The following PRKDC variants were observed in gnomAD, a reference collection of about 807,000 sequenced individuals.
PRKDC encodes protein kinase, DNA-activated, catalytic subunit, also known as DNA-dependent protein kinase catalytic subunit.
Under a neutral mutation model 486.9 loss-of-function variants are expected in PRKDC, and 82 were observed. That is an observed-to-expected ratio of 0.17 (90% CI 0.14 to 0.20). PRKDC has a LOEUF of 0.20. Ranked by LOEUF, PRKDC falls within the 10% of genes least tolerant of loss-of-function variation. The pLI is 1.00. For synonymous variants in PRKDC, 1,895 were observed against 1,837.0 expected (o/e 1.03, Z -0.81); for missense variants, 4,504 against 5,038.2 (o/e 0.89, Z 3.21).
Position 47,927,093 on chromosome 8 carries a change from G to A in PRKDC, c.2419+101C>T, listed in dbSNP as rs1288699398. 4 of 1,125,056 alleles carry A rather than the reference G, an allele frequency of 3.6e-6. No homozygotes were observed. In the African/African-American group the frequency reaches 6.4e-5, roughly 18 times the overall value. 69.7% of individuals were successfully genotyped at this position (1,125,056 alleles called of 1,614,324 possible). ...CAATCAAACATATTTTGAACACACT[G>A]GGCTTAAATTTCAGAAGTTACAAAA... On this transcript the variant is annotated intron_variant, in intron 21 of 85. Transcript: ENST00000314191.
In PRKDC at chr8:47,785,324, T is replaced by G. The variant is rs1329029674; in HGVS notation, c.10903-7A>C. The G allele has an allele frequency of 2.6e-6, 4 of 1,552,834 alleles. No homozygotes were observed. Among genetic ancestry groups the G allele is most frequent in the Non-Finnish European group, 3.5e-6 (4 of 1,143,560 alleles). ...CAAATTCTTTTCCAAAAGTCTGAAA[T>G]TAGTAAGAATTTACTATAAAGACTG... On this transcript the variant is annotated splice_region_variant and splice_polypyrimidine_tract_variant and intron_variant, in intron 76 of 85. Coordinates refer to ENST00000314191, the MANE Select transcript of PRKDC (RefSeq NM_006904.7).
rs145893492 is a variant in PRKDC, at chr8:47,856,444, G to A, written c.6609+712C>T. On this transcript the variant is annotated intron_variant, in intron 49 of 85. Coordinates refer to ENST00000314191, the MANE Select transcript of PRKDC (RefSeq NM_006904.7). ...AAGGTTTCACCATGTTGGCCAGGCT[G>A]GTCTCAAACTCCTGACCTTAAGTGA... Among the ~76,000 whole-genome samples, 730 of 152,248 alleles carry A rather than the reference G, an allele frequency of 4.8e-3. 6 individuals carry two copies. The highest frequency in any genetic ancestry group is 0.017 in the African/African-American group (691 of 41,550).
chr8:47,912,002 C>T (rs2089912441), intron 25 of PRKDC, among the ~76,000 whole-genome samples: 1 of 151,988 alleles, frequency 6.6e-6, no homozygotes, highest in South Asian at 2.1e-4. Flanking sequence ...AACTCCTGAC[C>T]TCAGGTGATC....
intron 80 of PRKDC, 182 bp from the exon 81 acceptor site, chr8:47,779,275 A>G (rs552518113): frequency 5.8e-6 from 3 of 514,958 alleles, no homozygotes; most frequent in South Asian, 6.3e-5. Context: ...ATTTCAATAT[A>G]CCATTATTCA....
chr8:47,855,032 C>G (rs1166019046), intron 50 of PRKDC, among the ~76,000 whole-genome samples, 190 bp downstream of exon 50: 1 of 152,210 alleles, frequency 6.6e-6, no homozygotes, highest in Non-Finnish European at 1.5e-5. Flanking sequence ...AGGCGGAGGG[C>G]AGGGCCACTG....
At position 47,943,962 on chromosome 8, in the gene PRKDC, T is replaced by C. The variant is rs377345439; in HGVS notation, c.777+12A>G. 4.5e-5 allele frequency: 70 copies of C among 1,557,290 alleles called. No individual in the cohort carries two copies. Among genetic ancestry groups the C allele is most frequent in the Middle Eastern group, 1.7e-4 (1 of 5,964 alleles). ...GGCATTAGAATAATATTAATAGTAA[T>C]ATTAATCCTACCTGAGGACGAATTG... is the stretch of plus-strand genomic sequence containing the variant. On this transcript the variant is annotated intron_variant, in intron 8 of 85. Coordinates refer to ENST00000314191, the MANE Select transcript of PRKDC (RefSeq NM_006904.7).
intron 48 of PRKDC, among the ~76,000 whole-genome samples, chr8:47,857,506 C>CA (rs373729798): frequency 6.6e-6 from 1 of 152,286 alleles, no homozygotes; most frequent in African/African-American, 2.4e-5. Context: ...AATCAGGACA[C>CA]AGAGACAGAT....
chr8:47,935,329 G>A lies in PRKDC; in HGVS notation c.1448-271C>T, dbSNP rs1286653703. ...AGCCTAGCCAATATGGTGAAACCCT[G>A]TCTCTACTAAAACTACAAAAATTAG... is the stretch of plus-strand genomic sequence containing the variant. On this transcript the variant is annotated intron_variant, in intron 13 of 85. Coordinates refer to ENST00000314191, the MANE Select transcript of PRKDC (RefSeq NM_006904.7). 2.0e-5 allele frequency among the ~76,000 whole-genome samples: 3 copies of A among 151,996 alleles called. No individual in the cohort carries two copies. In the South Asian group the frequency reaches 6.2e-4, roughly 31 times the overall value.
Position 47,881,106 on chromosome 8 carries a change from G to GC in PRKDC, c.5067+309_5067+310insG, listed in dbSNP as rs1454476900. Among the ~76,000 whole-genome samples the GC allele has an allele frequency of 3.4e-3, 510 of 150,192 alleles. 7 individuals carry two copies. The highest frequency in any genetic ancestry group is 0.012 in the African/African-American group (482 of 40,362). On this transcript the variant is annotated intron_variant, in intron 38 of 85. Transcript: ENST00000314191. ...AGCAAGAAAGCAAGCAAGCAAGCAA[G>GC]AAAGAAAGAAATGTTCTCATGTCTT...
chr8:47,785,102 G>T lies in PRKDC; in HGVS notation c.11107+11C>A. On this transcript the variant is annotated intron_variant, in intron 77 of 85. Coordinates refer to ENST00000314191, the MANE Select transcript of PRKDC (RefSeq NM_006904.7). ...ACAGTACAGTTTTGTCACCCCTGGA[G>T]GTTAACTCACCGGGAATCTCCAGCT... The T allele has an allele frequency of 6.2e-7, 1 of 1,613,426 alleles. No individual in the cohort carries two copies. Among genetic ancestry groups the T allele is most frequent in the Non-Finnish European group, 8.5e-7 (1 of 1,179,426 alleles).
At chr8:47,914,255 A>C (rs2089953673) in intron 23 of PRKDC, among the ~76,000 whole-genome samples, 191 bp from the exon 24 acceptor site, 1 of 152,240 alleles carries the variant, frequency 6.6e-6, no homozygotes, top group African/African-American at 2.4e-5. Flanking sequence ...GATTTAATTT[A>C]AAGTAAAATT....
At chr8:47,873,655 G>A (rs1013361581) in intron 40 of PRKDC, among the ~76,000 whole-genome samples, 7 of 152,156 alleles carry the variant, frequency 4.6e-5, no homozygotes, top group Admixed American at 3.3e-4. Flanking sequence ...AATATACACA[G>A]TGGAGTACTA....
Position 47,880,317 on chromosome 8 carries a change from C to G in PRKDC, c.5068-659G>C, listed in dbSNP as rs1453738343. On this transcript the variant is annotated intron_variant, in intron 38 of 85. Transcript: ENST00000314191. ...GTGTAGAAAGAACATTTTGAATAAC[C>G]TAAGGAGGAGTTTACAACTACACAT... Among the ~76,000 whole-genome samples the G allele has an allele frequency of 3.3e-5, 5 of 152,116 alleles. No homozygotes were observed. In the South Asian group the frequency reaches 1.0e-3, roughly 32 times the overall value.
intron 6 of PRKDC, 27 bp downstream of exon 6, chr8:47,953,780 A>G: frequency 1.3e-6 from 2 of 1,575,880 alleles, no homozygotes; most frequent in South Asian, 1.2e-5. Context: ...CATCTATGGA[A>G]GCAGAATGTC....
intron 17 of PRKDC, 41 bp downstream of exon 17, chr8:47,930,631 A>G: frequency 2.0e-6 from 3 of 1,508,052 alleles, no homozygotes; most frequent in Non-Finnish European, 2.7e-6. Context: ...AATAACTAAC[A>G]ATCATTTTCA....
At chr8:47,843,452 G>A (rs1452444215) in intron 54 of PRKDC, among the ~76,000 whole-genome samples, 1 of 152,158 alleles carries the variant, frequency 6.6e-6, no homozygotes, top group Non-Finnish European at 1.5e-5. Flanking sequence ...ATTCCTGAAA[G>A]AGACAACTTG....
rs113772766 is a variant in PRKDC, at chr8:47,902,061, G to A, written c.3269+508C>T. ...TCCTCTGTCACTAGCGGTGACCTACGCTCCTTACTACAGCAAGCAGAGCCC... is the reference window on the plus strand; with the variant it reads ...TCCTCTGTCACTAGCGGTGACCTACACTCCTTACTACAGCAAGCAGAGCCC... On this transcript the variant is annotated intron_variant, in intron 27 of 85. Transcript: ENST00000314191. Among the ~76,000 whole-genome samples, 1,326 of 152,204 alleles carry A rather than the reference G, an allele frequency of 8.7e-3. 17 individuals carry two copies. The highest frequency in any genetic ancestry group is 0.029 in the African/African-American group (1,184 of 41,532).
chr8:47,935,955 G>A (rs965005856), intron 12 of PRKDC, 55 bp from the exon 13 acceptor site: 82 of 1,458,344 alleles, frequency 5.6e-5, no homozygotes, highest in Middle Eastern at 1.8e-4. Flanking sequence ...ATGAATACAG[G>A]AATAATACAA....
intron 25 of PRKDC, among the ~76,000 whole-genome samples, chr8:47,906,408 C>T (rs2089783812): frequency 1.4e-5 from 2 of 148,122 alleles, no homozygotes; most frequent in Admixed American, 8.3e-5. Flanking sequence ...CTGAGGAGGG[C>T]GGATCACTTG....
Sources: allele counts gnomAD v4.1 joint callset (sites outside exome capture counted in the v4.1 genomes callset), GRCh38; gene constraint gnomAD v4.1.1; transcripts MANE v1.5; gene names NCBI Gene and HGNC (gene_info 2026-07-23, HGNC 2026-07-21).